The following TANC1 variants were observed in gnomAD, a reference collection of about 807,000 sequenced individuals.
TANC1 encodes the protein tetratricopeptide repeat, ankyrin repeat and coiled-coil containing 1.
A neutral mutation model predicts 149.7 loss-of-function variants in TANC1; 77 were observed. The ratio of observed to expected loss-of-function variants is 0.51; its 90% CI spans 0.43 to 0.62. The LOEUF (loss-of-function observed/expected upper bound fraction) is 0.62, where lower values mean the gene tolerates loss of function less well. Among genes scored for constraint, TANC1 ranks in the 20% least tolerant of loss-of-function variants. The pLI is 0.00. For synonymous variants in TANC1, 854 were observed against 925.0 expected (o/e 0.92, Z 1.39); for missense variants, 1,985 against 2,321.8 (o/e 0.85, Z 2.98).
chr2:159,126,802 A>G (rs1328048871), intron 4 of TANC1, among the ~76,000 whole-genome samples: 13 of 152,264 alleles, frequency 8.5e-5, no homozygotes. Flanking sequence ...GACTCTTGCC[A>G]TCTTAACCGA....
intron 4 of TANC1, among the ~76,000 whole-genome samples, chr2:159,114,468 T>TG (rs945949482): frequency 1.3e-5 from 2 of 152,254 alleles, no homozygotes; most frequent in African/African-American, 2.4e-5. Context: ...GCTTTTAAGG[T>TG]GGGGGGAAAC....
intron 12 of TANC1, among the ~76,000 whole-genome samples, 167 bp downstream of exon 12, chr2:159,175,351 C>T (rs975324752): frequency 6.6e-6 from 1 of 152,110 alleles, no homozygotes; most frequent in Non-Finnish European, 1.5e-5. Context: ...GAACCAGCCC[C>T]ATGAGGTCGC....
chr2:159,170,460 A>G (rs2055083220), intron 9 of TANC1, 64 bp from the exon 10 acceptor site: 2 of 1,429,636 alleles, frequency 1.4e-6, no homozygotes, highest in Non-Finnish European at 1.9e-6. Flanking sequence ...AAGCAATAAT[A>G]TTTGAGTTTC....
At position 159,219,782 on chromosome 2, in the gene TANC1, T is replaced by G; in HGVS notation, c.3593T>G (p.Val1198Gly). The part of the protein sequence containing the change: ...KGHRAVVQYL[V>G]EEGAAIDQTD... ...CACAGGGCAGTGGTCCAGTATCTGG[T>G]TGAAGAAGGAGCTGCAATAGACCAG... is the stretch of plus-strand genomic sequence containing the variant. The change falls in exon 22 of 27, where the codon GTT (valine) becomes GGT (glycine). Residue 1198 changes from valine to glycine, a missense_variant. Coordinates refer to ENST00000263635, the MANE Select transcript of TANC1 (RefSeq NM_033394.3). The G allele has an allele frequency of 6.2e-7, 1 of 1,614,178 alleles. No homozygotes were observed. Among genetic ancestry groups the G allele is most frequent in the Non-Finnish European group, 8.5e-7 (1 of 1,180,034 alleles).
At chr2:158,985,319 G>C (rs1217413351) in intron 1 of TANC1, among the ~76,000 whole-genome samples, 2 of 152,156 alleles carry the variant, frequency 1.3e-5, no homozygotes, top group Non-Finnish European at 2.9e-5. Context: ...ATTGAACTTG[G>C]GTTTACTGTC....
chr2:158,999,851 C>G (rs2036469902), intron 1 of TANC1, among the ~76,000 whole-genome samples: 1 of 152,178 alleles, frequency 6.6e-6, no homozygotes, highest in Admixed American at 6.5e-5. Context: ...CCTCTGTTCT[C>G]AGGGAGACAG....
chr2:159,186,621 G>T (rs1242220706), intron 15 of TANC1, among the ~76,000 whole-genome samples: 1 of 152,160 alleles, frequency 6.6e-6, no homozygotes, highest in Non-Finnish European at 1.5e-5. Flanking sequence ...TCCAGCCTGG[G>T]CGACACAGCA....
chr2:159,178,505 A>C (rs1488669985), intron 13 of TANC1, 51 bp from the exon 14 acceptor site: 2 of 1,509,592 alleles, frequency 1.3e-6, no homozygotes, highest in African/African-American at 1.4e-5. Flanking sequence ...TGTTAAAATA[A>C]AAAAGGAATC....
At chr2:159,207,775 G>GT (rs1384959380) in intron 19 of TANC1, among the ~76,000 whole-genome samples, 3 of 144,856 alleles carry the variant, frequency 2.1e-5, no homozygotes, top group African/African-American at 5.1e-5. Context: ...CCTTAAGTAA[G>GT]TGGTTTAATT....
At chr2:159,145,558 G>A (rs929734888) in intron 5 of TANC1, among the ~76,000 whole-genome samples, 2 of 152,198 alleles carry the variant, frequency 1.3e-5, no homozygotes, top group Admixed American at 1.3e-4. Flanking sequence ...GGCGGAAGAT[G>A]AGAAGATGGT....
intron 2 of TANC1, among the ~76,000 whole-genome samples, chr2:159,061,842 G>C (rs549678768): frequency 6.6e-6 from 1 of 152,286 alleles, no homozygotes; most frequent in South Asian, 2.1e-4. Context: ...GAGTTCAACA[G>C]TACCTTTGTT....
intron 1 of TANC1, among the ~76,000 whole-genome samples, chr2:158,992,142 C>A (rs373074167): frequency 1.3e-4 from 20 of 151,972 alleles, no homozygotes; most frequent in Non-Finnish European, 1.0e-4. Context: ...ACAGGCAGAT[C>A]GCTTGAACCC....
chr2:159,149,240 C>T lies in TANC1; in HGVS notation c.463C>T (p.His155Tyr). 3.1e-6 allele frequency: 5 copies of T among 1,614,210 alleles called. No individual in the cohort carries two copies. The highest frequency in any genetic ancestry group is 4.2e-6 in the Non-Finnish European group (5 of 1,180,022). The change falls in exon 6 of 27, where the codon CAC becomes TAC. Residue 155 changes from histidine (H) to tyrosine (Y), a missense_variant. This residue lies in a region of TANC1 where 557 missense variants were observed against 612.9 expected (regional missense o/e 0.91). Transcript: ENST00000263635. ...LLGEGIPSAT[H>Y]ITIEDKNETM... is the part of the protein sequence containing the mutation. ...GGGAGAAGGGATCCCAAGTGCCACA[C>T]ACATAACCATTGAAGACAAAAATGA... is the stretch of plus-strand genomic sequence containing the variant.
At chr2:159,206,094 C>T (rs929203277) in intron 19 of TANC1, among the ~76,000 whole-genome samples, 7 of 152,168 alleles carry the variant, frequency 4.6e-5, no homozygotes, top group African/African-American at 1.7e-4. Flanking sequence ...CAGAACTATC[C>T]TCGGCAAAGC....
At chr2:159,102,702 T>C (rs1218363831) in intron 4 of TANC1, among the ~76,000 whole-genome samples, 1 of 101,158 alleles carries the variant, frequency 9.9e-6, no homozygotes, top group Non-Finnish European at 2.1e-5. Context: ...TTCTGATTGT[T>C]GGATATTTGC....
At chr2:159,095,479 C>T (rs2046006244) in intron 3 of TANC1, among the ~76,000 whole-genome samples, 1 of 152,108 alleles carries the variant, frequency 6.6e-6, no homozygotes, top group Admixed American at 6.5e-5. Flanking sequence ...TGGCTCATGC[C>T]TGTAATCCCA....
chr2:158,974,179 CA>C (rs2033312359), intron 1 of TANC1, among the ~76,000 whole-genome samples: 1 of 152,152 alleles, frequency 6.6e-6, no homozygotes, highest in Non-Finnish European at 1.5e-5. Context: ...GGCTTAACAA[CA>C]ACTGTTTATT....
At chr2:159,147,657 T>G (rs182180324) in intron 5 of TANC1, 3 of 152,506 alleles carry the variant, frequency 2.0e-5, no homozygotes, top group African/African-American at 7.2e-5. Flanking sequence ...CCCTTCATGT[T>G]TGGCTCACAT....
intron 19 of TANC1, among the ~76,000 whole-genome samples, chr2:159,205,069 G>A (rs373017541): frequency 1.3e-5 from 2 of 152,234 alleles, no homozygotes; most frequent in Non-Finnish European, 2.9e-5. Context: ...CCTCTTGGGG[G>A]TGGGGTCCTC....
Sources: gnomAD v4.1 joint callset for allele counts (sites outside exome capture counted in the v4.1 genomes callset) on GRCh38, gnomAD v4.1.1 for gene constraint, gnomAD v4.1.1 regional missense constraint, MANE v1.5 for transcripts, NCBI Gene and HGNC (gene_info 2026-07-23, HGNC 2026-07-21) for gene names.